The following NRXN1 variants were observed in gnomAD, a reference collection of about 807,000 sequenced individuals.
The protein encoded by NRXN1 is neurexin-1.
NRXN1 carries 39 observed loss-of-function variants against 150.9 expected under a neutral mutation model. The ratio of observed to expected loss-of-function variants is 0.26; its 90% CI spans 0.20 to 0.34. The LOEUF (loss-of-function observed/expected upper bound fraction) is 0.34. Ranked by LOEUF, NRXN1 falls within the 10% of genes least tolerant of loss-of-function variation. The pLI is 1.00. For synonymous variants in NRXN1, 924 were observed against 757.0 expected, an observed-to-expected ratio of 1.22 and a Z score of -3.62; for missense variants, 1,815 against 1,949.9, an observed-to-expected ratio of 0.93 and a Z score of 1.30.
chr2:50,438,079 C>T (rs1364669177), intron 17 of NRXN1, among the ~76,000 whole-genome samples: 3 of 152,174 alleles, frequency 2.0e-5, no homozygotes, highest in Non-Finnish European at 4.4e-5. Flanking sequence ...CCACCTGGGG[C>T]TCTATTTTCC....
At chr2:49,942,612 A>ATTATTATTAT (rs1395204339) in intron 22 of NRXN1, among the ~76,000 whole-genome samples, 1 of 149,106 alleles carries the variant, frequency 6.7e-6, no homozygotes, top group Non-Finnish European at 1.5e-5. Context: ...TATTATTATT[A>ATTATTATTAT]TTTTATTATT....
At chr2:49,948,808 T>C (rs1221754327) in intron 21 of NRXN1, among the ~76,000 whole-genome samples, 2 of 151,884 alleles carry the variant, frequency 1.3e-5, no homozygotes, top group Admixed American at 6.6e-5. Context: ...TTATAACCTT[T>C]TTGAGAAAAG....
chr2:50,994,688 A>T (rs1263926118), intron 2 of NRXN1, among the ~76,000 whole-genome samples: 1 of 152,126 alleles, frequency 6.6e-6, no homozygotes, highest in Non-Finnish European at 1.5e-5. Flanking sequence ...ATATTAACAG[A>T]TAATTACTAA....
chr2:50,141,906 A>G (rs1487181797), intron 18 of NRXN1, among the ~76,000 whole-genome samples: 2 of 152,074 alleles, frequency 1.3e-5, no homozygotes, highest in East Asian at 3.9e-4. Flanking sequence ...TTTCTCAAAC[A>G]CTAAAAAGAG....
At chr2:50,075,917 C>T (rs1346744448) in intron 19 of NRXN1, among the ~76,000 whole-genome samples, 1 of 152,134 alleles carries the variant, frequency 6.6e-6, no homozygotes, top group African/African-American at 2.4e-5. Context: ...TCTGGGGCAG[C>T]ACCCGAGCTG....
chr2:50,142,399 C>G (rs1329116966), intron 18 of NRXN1, among the ~76,000 whole-genome samples: 2 of 151,692 alleles, frequency 1.3e-5, no homozygotes, highest in Non-Finnish European at 2.9e-5. Flanking sequence ...TTTGATAGCA[C>G]AGTAGGGTGA....
intron 21 of NRXN1, among the ~76,000 whole-genome samples, chr2:49,968,089 T>C (rs1677267345): frequency 6.6e-6 from 1 of 151,390 alleles, no homozygotes; most frequent in South Asian, 2.1e-4. Flanking sequence ...GGCCAGATTC[T>C]CATTTACTGC....
chr2:50,989,758 C>T (rs540468349), intron 2 of NRXN1, among the ~76,000 whole-genome samples: 253 of 152,002 alleles, frequency 1.7e-3, no homozygotes, highest in African/African-American at 5.9e-3. Flanking sequence ...CCACTCTAAA[C>T]GTTAGGTACA....
chr2:50,347,766 A>C lies in NRXN1; in HGVS notation c.3365-110796T>G. ...AGAAAAAGAAAAAAAGAAAAGAAAA[A>C]CCACACACGCTGGTGAAGCAAGGGG... On this transcript the variant is annotated intron_variant, in intron 17 of 22. Coordinates refer to ENST00000401669, the MANE Select transcript of NRXN1 (RefSeq NM_001330078.2). This position sits in a 1 kb window ranked among gnomAD's most constrained non-coding sequence, Gnocchi z 4.9. The C allele has an allele frequency of 1.0e-6, 1 of 986,472 alleles. No homozygotes were observed. Among genetic ancestry groups the C allele is most frequent in the Non-Finnish European group, 1.2e-6 (1 of 830,800 alleles). The allele number at this position is 986,472 out of a possible 1,614,324, so 61.1% of individuals were successfully genotyped here.
At chr2:50,062,130 G>T (rs1694638764) in intron 19 of NRXN1, among the ~76,000 whole-genome samples, 1 of 152,104 alleles carries the variant, frequency 6.6e-6, no homozygotes, top group African/African-American at 2.4e-5. Context: ...CCTCTATTTT[G>T]ATTAAATCCC....
At chr2:50,402,930 A>C (rs1202494326) in intron 17 of NRXN1, among the ~76,000 whole-genome samples, 1 of 152,176 alleles carries the variant, frequency 6.6e-6, no homozygotes, top group East Asian at 1.9e-4. Flanking sequence ...GGCGGAAATT[A>C]CACACAGTAA....
At chr2:50,354,554 C>CATATATAT (rs71404946) in intron 17 of NRXN1, among the ~76,000 whole-genome samples, 3,642 of 99,796 alleles carry the variant, frequency 0.036, 101 homozygotes, top group African/African-American at 0.05. Context: ...AGAGTGCATA[C>CATATATAT]ATATATATAT....
chr2:50,801,680 T>A (rs1707618411), intron 5 of NRXN1, among the ~76,000 whole-genome samples: 1 of 152,210 alleles, frequency 6.6e-6, no homozygotes, highest in Admixed American at 6.5e-5. Context: ...GTTTCCTAAA[T>A]GTTTTGTGAG....
chr2:50,538,104 A>T, intron 10 of NRXN1, 149 bp downstream of exon 10: 1 of 803,518 alleles, frequency 1.2e-6, no homozygotes, highest in Non-Finnish European at 1.9e-6. Context: ...CTCATTAGTA[A>T]TCCATGTCAG....
intron 21 of NRXN1, among the ~76,000 whole-genome samples, chr2:50,052,219 A>G (rs1692824087): frequency 6.6e-6 from 1 of 152,130 alleles, no homozygotes; most frequent in Non-Finnish European, 1.5e-5. Flanking sequence ...TTTAAATATA[A>G]TTATCATTCT....
At chr2:50,579,247 T>C (rs1671888498) in intron 8 of NRXN1, among the ~76,000 whole-genome samples, 1 of 152,200 alleles carries the variant, frequency 6.6e-6, no homozygotes, top group Non-Finnish European at 1.5e-5. Flanking sequence ...TTTCTGATAC[T>C]AAGTCTAGGA....
intron 5 of NRXN1, among the ~76,000 whole-genome samples, chr2:50,732,779 C>T (rs1698258965): frequency 6.6e-6 from 1 of 152,138 alleles, no homozygotes; most frequent in Non-Finnish European, 1.5e-5. Flanking sequence ...ATCCCTCTCA[C>T]ATCTGCTTTT....
chr2:50,926,548 G>T (rs760619615), intron 2 of NRXN1, among the ~76,000 whole-genome samples: 1 of 151,810 alleles, frequency 6.6e-6, no homozygotes, highest in Non-Finnish European at 1.5e-5. Context: ...TATTAATATT[G>T]TATTGCAAAT....
intron 8 of NRXN1, among the ~76,000 whole-genome samples, chr2:50,595,029 G>C (rs1463186312): frequency 1.3e-5 from 2 of 151,316 alleles, no homozygotes; most frequent in Non-Finnish European, 2.9e-5. Context: ...CAAAACAATA[G>C]TGAAACACCA....
Sources: allele counts gnomAD v4.1 joint callset (sites outside exome capture counted in the v4.1 genomes callset), GRCh38; gene constraint gnomAD v4.1.1; non-coding constraint Gnocchi (gnomAD v3.1); transcripts MANE v1.5; gene names NCBI Gene and HGNC (gene_info 2026-07-23, HGNC 2026-07-21).